The following DOCK1 variants were observed in gnomAD, a reference collection of about 807,000 sequenced individuals.
The protein encoded by DOCK1 is dedicator of cytokinesis 1, also known as dedicator of cytokinesis protein 1.
In DOCK1, 138 loss-of-function variants were observed where a neutral mutation model predicts 262.7. The observed-to-expected ratio is 0.53, with a 90% CI of 0.46 to 0.61. DOCK1 has a LOEUF of 0.61. Ranked by LOEUF, DOCK1 falls within the 20% of genes least tolerant of loss-of-function variation. DOCK1 has a pLI of 0.00. For synonymous variants in DOCK1, 866 were observed against 867.4 expected (o/e 1.00, Z 0.03); for missense variants, 1,908 against 2,370.7 (o/e 0.80, Z 4.05).
At chr10:127,433,063 G>A (rs200271492) in intron 47 of DOCK1, among the ~76,000 whole-genome samples, 2 of 152,168 alleles carry the variant, frequency 1.3e-5, no homozygotes, top group Non-Finnish European at 2.9e-5. Flanking sequence ...GGCTAAGAAG[G>A]TTCCTTCTGA....
intron 35 of DOCK1, among the ~76,000 whole-genome samples, chr10:127,378,415 A>C (rs1390141483): frequency 3.3e-5 from 5 of 151,836 alleles, no homozygotes; most frequent in Admixed American, 1.3e-4. Context: ...GTGTGGGGGG[A>C]CTTGAGAGAC....
At chr10:126,951,416 ATAG>A (rs1371679369) in intron 1 of DOCK1, among the ~76,000 whole-genome samples, 22 of 148,350 alleles carry the variant, frequency 1.5e-4, no homozygotes, top group East Asian at 1.0e-3. Context: ...AATATTAGTG[ATAG>A]TGGTGGTGGT....
chr10:127,034,204 A>G (rs1447391846), intron 18 of DOCK1, among the ~76,000 whole-genome samples: 5 of 152,146 alleles, frequency 3.3e-5, no homozygotes, highest in Non-Finnish European at 7.4e-5. Context: ...GAGAGGTTTA[A>G]TGTACAGTTC....
At chr10:127,222,767 G>A (rs2058488303) in intron 27 of DOCK1, among the ~76,000 whole-genome samples, 1 of 123,812 alleles carries the variant, frequency 8.1e-6, no homozygotes, top group Non-Finnish European at 1.8e-5. Context: ...CTAGGCTAAA[G>A]TGATTCTCTC....
At chr10:127,056,411 G>T (rs1015421695) in intron 22 of DOCK1, among the ~76,000 whole-genome samples, 5 of 152,094 alleles carry the variant, frequency 3.3e-5, no homozygotes, top group Non-Finnish European at 7.4e-5. Context: ...GCCCAGGCTG[G>T]TCTCAAACTC....
At chr10:127,188,602 G>A (rs1447789226) in intron 27 of DOCK1, among the ~76,000 whole-genome samples, 1 of 152,154 alleles carries the variant, frequency 6.6e-6, no homozygotes, top group East Asian at 1.9e-4. Context: ...GTTTGCTAAC[G>A]TGGTTAATTT....
At chr10:127,299,368 T>C (rs1369203257) in intron 29 of DOCK1, among the ~76,000 whole-genome samples, 1 of 152,212 alleles carries the variant, frequency 6.6e-6, no homozygotes, top group Non-Finnish European at 1.5e-5. Flanking sequence ...CCCTCCAAAG[T>C]GCTGGGATTA....
intron 33 of DOCK1, among the ~76,000 whole-genome samples, chr10:127,363,813 CTG>C (rs1347869827): frequency 5.3e-5 from 8 of 152,294 alleles, no homozygotes; most frequent in African/African-American, 1.9e-4. Context: ...AGTCTCCACA[CTG>C]TGAGTTGAGT....
At chr10:127,261,098 T>A (rs2060055262) in intron 29 of DOCK1, among the ~76,000 whole-genome samples, 1 of 139,142 alleles carries the variant, frequency 7.2e-6, no homozygotes, top group African/African-American at 2.7e-5. Flanking sequence ...CATCTGTGTG[T>A]GTACCTGCAT....
At chr10:127,248,337 C>A (rs1015186115) in intron 28 of DOCK1, among the ~76,000 whole-genome samples, 2 of 152,164 alleles carry the variant, frequency 1.3e-5, no homozygotes, top group Non-Finnish European at 2.9e-5. Flanking sequence ...GACTCAGGGG[C>A]TGAGCCCAGG....
At chr10:127,014,784 T>G (rs1488978314) in intron 12 of DOCK1, 4 of 152,306 alleles carry the variant, frequency 2.6e-5, no homozygotes, top group African/African-American at 9.6e-5. Flanking sequence ...GGGCTTTGGT[T>G]TGCTCTCCCG....
intron 29 of DOCK1, among the ~76,000 whole-genome samples, chr10:127,280,480 G>A (rs951945588): frequency 6.6e-6 from 1 of 152,018 alleles, no homozygotes; most frequent in Non-Finnish European, 1.5e-5. Flanking sequence ...ACCTCATCTT[G>A]CATTCAGAGA....
At chr10:127,081,177 C>G (rs1204999455) in intron 23 of DOCK1, among the ~76,000 whole-genome samples, 2 of 152,120 alleles carry the variant, frequency 1.3e-5, no homozygotes, top group South Asian at 4.1e-4. Flanking sequence ...GAGGAAGGGA[C>G]TGCTGGCGGT....
intron 1 of DOCK1, among the ~76,000 whole-genome samples, chr10:126,947,107 A>C (rs2035478487): frequency 6.6e-6 from 1 of 152,224 alleles, no homozygotes; most frequent in African/African-American, 2.4e-5. Context: ...CTTTGCGTGC[A>C]GAAATGGGAT....
At chr10:127,395,450 A>G (rs942951787) in intron 38 of DOCK1, among the ~76,000 whole-genome samples, 4 of 152,148 alleles carry the variant, frequency 2.6e-5, no homozygotes, top group South Asian at 2.1e-4. Flanking sequence ...CCTAATGCCA[A>G]CACCTTGAAG....
At chr10:126,946,155 C>T (rs2035385536) in intron 1 of DOCK1, among the ~76,000 whole-genome samples, 1 of 152,094 alleles carries the variant, frequency 6.6e-6, no homozygotes, top group Non-Finnish European at 1.5e-5. Flanking sequence ...TTTAAAAATG[C>T]ACATTTCATT....
rs755521993 is a variant in DOCK1 at position 127,439,154 on chromosome 10, A to G, written c.5188A>G (p.Ile1730Val). 1 of 1,609,192 alleles carries G rather than the reference A, an allele frequency of 6.2e-7. No individual in the cohort carries two copies. Among genetic ancestry groups the G allele is most frequent in the Non-Finnish European group, 8.5e-7 (1 of 1,177,844 alleles). Residue 1730 changes from isoleucine (I) to valine (V), a missense_variant, in exon 49 of 52, where the codon ATA becomes GTA. Coordinates refer to ENST00000623213, the MANE Select transcript of DOCK1 (RefSeq NM_001290223.2). ...AAAAAGGAACAGCAAACATCAAGAGATATTTGAGAAAGAATTTAAACCCAC... is the reference window on the plus strand; with the variant it reads ...AAAAAGGAACAGCAAACATCAAGAGGTATTTGAGAAAGAATTTAAACCCAC... ...KEKRNSKHQE[I>V]FEKEFKPTDI...
chr10:127,236,425 T>C (rs1033118183), intron 27 of DOCK1, among the ~76,000 whole-genome samples: 1 of 145,446 alleles, frequency 6.9e-6, no homozygotes, highest in Non-Finnish European at 1.5e-5. Context: ...CTTCCTTCCT[T>C]GGTATTTGGG....
chr10:127,438,129 G>C (rs2134704129), intron 48 of DOCK1, among the ~76,000 whole-genome samples: 1 of 152,340 alleles, frequency 6.6e-6, no homozygotes, highest in Middle Eastern at 3.4e-3. Flanking sequence ...AGCAGGAGCT[G>C]CTAGGGATGA....
Sources: gnomAD v4.1 joint callset for allele counts (sites outside exome capture counted in the v4.1 genomes callset) on GRCh38, gnomAD v4.1.1 for gene constraint, MANE v1.5 for transcripts, NCBI Gene and HGNC (gene_info 2026-07-23, HGNC 2026-07-21) for gene names.